The following TAGLN3 variants were observed in gnomAD, a reference collection of about 807,000 sequenced individuals.
TAGLN3 encodes the protein transgelin-3.
A neutral mutation model predicts 25.4 loss-of-function variants in TAGLN3; 12 were observed. That is an observed-to-expected ratio of 0.47 (90% confidence interval 0.30 to 0.77). TAGLN3 has a LOEUF of 0.77. TAGLN3 is among the 30% of genes least tolerant of loss of function. The pLI is 0.06. For synonymous variants in TAGLN3, 96 were observed against 94.8 expected (o/e 1.01, Z -0.08); for missense variants, 218 against 255.8 (o/e 0.85, Z 1.01).
intron 3 of TAGLN3, among the ~76,000 whole-genome samples, chr3:112,008,884 GA>G (rs1254969607): frequency 6.6e-6 from 1 of 152,212 alleles, no homozygotes; most frequent in Non-Finnish European, 1.5e-5. Flanking sequence ...AATTCATAAA[GA>G]GGTTTTATTT....
At chr3:112,013,345 C>A (rs2072999795) in intron 4 of TAGLN3, 65 bp from the exon 5 acceptor site, 11 of 1,556,728 alleles carry the variant, frequency 7.1e-6, no homozygotes. Context: ...TGTCTAATTG[C>A]ATATCTTGAA....
intron 2 of TAGLN3, among the ~76,000 whole-genome samples, chr3:111,999,940 T>G (rs1281497900): frequency 6.6e-6 from 1 of 152,210 alleles, no homozygotes; most frequent in African/African-American, 2.4e-5. Context: ...TGGGGCCATT[T>G]CTTTCCCTAG....
chr3:111,999,342 C>T (rs1331468739), intron 1 of TAGLN3, 79 bp from the exon 2 acceptor site: 41 of 1,529,828 alleles, frequency 2.7e-5, no homozygotes, highest in Non-Finnish European at 1.4e-5. Flanking sequence ...CAGCCATATC[C>T]CAGCCCCGTC....
At chr3:111,999,651 C>T in intron 2 of TAGLN3, 49 bp downstream of exon 2, 3 of 1,590,176 alleles carry the variant, frequency 1.9e-6, no homozygotes, top group Non-Finnish European at 2.6e-6. Flanking sequence ...CAGGGAAACC[C>T]TCCAGGGCCC....
chr3:112,013,499 G>C lies in TAGLN3; in HGVS notation c.548G>C (p.Gly183Ala), dbSNP rs1305873843. 1 of 1,614,198 alleles carries C rather than the reference G, an allele frequency of 6.2e-7. No homozygotes were observed. The highest frequency in any genetic ancestry group is 8.5e-7 in the Non-Finnish European group (1 of 1,180,026). The change falls in exon 5 of 5, where the codon GGA (glycine) becomes GCA (alanine). Residue 183 changes from glycine (G) to alanine (A), a missense_variant. Coordinates refer to ENST00000478951, the MANE Select transcript of TAGLN3 (RefSeq NM_001008272.2). ...GGCCTGCAGATGGGCAGCAACAAGG[G>C]AGCCTCCCAGGCGGGCATGACAGGG... is the stretch of plus-strand genomic sequence containing the variant. ...VIGLQMGSNK[G>A]ASQAGMTGYG...
At chr3:112,010,820 G>A (rs1421199504) in intron 3 of TAGLN3, among the ~76,000 whole-genome samples, 2 of 152,148 alleles carry the variant, frequency 1.3e-5, no homozygotes, top group African/African-American at 4.8e-5. Context: ...GACTTCCTCT[G>A]AAGGCCTTAA....
Position 112,013,585 on chromosome 3 carries a change from A to G in TAGLN3, c.*34A>G. 1 of 1,613,830 alleles carries G rather than the reference A, an allele frequency of 6.2e-7. No homozygotes were observed. Among genetic ancestry groups the G allele is most frequent in the Non-Finnish European group, 8.5e-7 (1 of 1,179,826 alleles). Reference sequence around the variant, plus strand: ...ATCCTGCCCCTGGTAGAGAGGACGAATGTTCCACACCATGGTCTCTACGAA... The same window carrying G: ...ATCCTGCCCCTGGTAGAGAGGACGAGTGTTCCACACCATGGTCTCTACGAA... On this transcript the variant is annotated 3_prime_UTR_variant, in exon 5 of 5. Coordinates refer to ENST00000478951, the MANE Select transcript of TAGLN3 (RefSeq NM_001008272.2).
chr3:111,999,633 G>A, intron 2 of TAGLN3, 31 bp downstream of exon 2: 2 of 1,606,678 alleles, frequency 1.2e-6, no homozygotes, highest in Middle Eastern at 1.7e-4. Context: ...GGTTGCTGGG[G>A]CGGTGGGCAG....
At chr3:112,011,082 G>C (rs149703687) in intron 3 of TAGLN3, among the ~76,000 whole-genome samples, 108 of 152,286 alleles carry the variant, frequency 7.1e-4, no homozygotes, top group African/African-American at 2.5e-3. Context: ...TGGACTTTTG[G>C]TCTGATTCTA....
intron 3 of TAGLN3, among the ~76,000 whole-genome samples, chr3:112,011,184 C>T (rs2072971918): frequency 1.3e-5 from 2 of 152,184 alleles, no homozygotes; most frequent in Non-Finnish European, 2.9e-5. Context: ...GGAGGAAAGG[C>T]TGAGTTGTAA....
chr3:111,999,750 G>C (rs1220421894), intron 2 of TAGLN3, 148 bp downstream of exon 2: 13 of 1,111,988 alleles, frequency 1.2e-5, no homozygotes, highest in Admixed American at 5.6e-5. Flanking sequence ...TATTTCTTCA[G>C]GGTTGGAAGA....
intron 2 of TAGLN3, among the ~76,000 whole-genome samples, chr3:112,000,352 T>G (rs531205585): frequency 6.6e-6 from 1 of 152,320 alleles, no homozygotes; most frequent in South Asian, 2.1e-4. Flanking sequence ...TAATTTGCCT[T>G]TTGATAGAAG....
chr3:112,006,818 A>C (rs1465756953), intron 3 of TAGLN3, among the ~76,000 whole-genome samples: 1 of 152,226 alleles, frequency 6.6e-6, no homozygotes, highest in East Asian at 1.9e-4. Context: ...TTAATGGAAC[A>C]AAATCCTTGT....
intron 4 of TAGLN3, among the ~76,000 whole-genome samples, chr3:112,012,220 TTCCCTCCCTCCCTCCC>T (rs1207863698): frequency 9.2e-5 from 10 of 108,540 alleles, no homozygotes; most frequent in African/African-American, 3.4e-4. Context: ...GCCTGGCTGC[TTCCCTCCCTCCCTCCC>T]TCCCTCCCTC....
intron 1 of TAGLN3, 111 bp downstream of exon 1, chr3:111,999,225 T>C: frequency 1.7e-6 from 1 of 576,398 alleles, no homozygotes; most frequent in South Asian, 2.4e-5. Context: ...CGGGTAGCTG[T>C]GCTTTTCTTT....
intron 3 of TAGLN3, among the ~76,000 whole-genome samples, chr3:112,003,504 G>A (rs927801550): frequency 6.6e-6 from 1 of 152,150 alleles, no homozygotes; most frequent in Non-Finnish European, 1.5e-5. Context: ...GCGGGGCAGG[G>A]TTGGCACGTG....
At chr3:111,999,278 A>G in intron 1 of TAGLN3, 143 bp from the exon 2 acceptor site, 2 of 935,974 alleles carry the variant, frequency 2.1e-6, no homozygotes, top group South Asian at 1.9e-5. Context: ...TGGCTCCTTG[A>G]TTTAAACCAC....
rs779852432 is a variant in TAGLN3 at position 111,999,373 on chromosome 3, T to G, written c.-2-48T>G. 9 of 1,593,454 alleles carry G rather than the reference T, an allele frequency of 5.6e-6. No individual in the cohort carries two copies. The African/African-American group carries it at 1.1e-4, about 19-fold the overall frequency. ...CCGTCTGCAGGGAGCCGGAGGCTGC[T>G]GCTGCTGCTATTGTGTGGATGCCGC... is the stretch of plus-strand genomic sequence containing the variant. On this transcript the variant is annotated intron_variant, in intron 1 of 4. Coordinates refer to ENST00000478951, the MANE Select transcript of TAGLN3 (RefSeq NM_001008272.2).
At chr3:112,001,085 G>T in intron 3 of TAGLN3, 139 bp downstream of exon 3, 1 of 733,840 alleles carries the variant, frequency 1.4e-6, no homozygotes. Flanking sequence ...TGGGGGCAGT[G>T]TTTGCCTTCC....
Sources: gnomAD v4.1 joint callset for allele counts (sites outside exome capture counted in the v4.1 genomes callset) on GRCh38, gnomAD v4.1.1 for gene constraint, MANE v1.5 for transcripts, NCBI Gene and HGNC (gene_info 2026-07-23, HGNC 2026-07-21) for gene names.